The following FIZ1 variants were observed in gnomAD, a reference collection of about 807,000 sequenced individuals.
The protein encoded by FIZ1 is flt3-interacting zinc finger protein 1.
In FIZ1, 2 loss-of-function variants were observed where a neutral mutation model predicts 5.3. The ratio of observed to expected loss-of-function variants is 0.37; its 90% CI spans 0.15 to 1.18. The LOEUF (loss-of-function observed/expected upper bound fraction) is 1.18, where lower values mean the gene tolerates loss of function less well. Among genes scored for constraint, FIZ1 ranks in the 50% most tolerant of loss-of-function variants. The pLI, the probability that FIZ1 is intolerant of heterozygous loss-of-function variation, is 0.37. For missense variants in FIZ1, 631 were observed against 749.7 expected (o/e 0.84, Z 1.85); for synonymous variants, 407 against 364.2 (o/e 1.12, Z -1.34).
intron 2 of FIZ1, 75 bp downstream of exon 2, chr19:55,597,497 G>C: frequency 6.6e-7 from 1 of 1,509,834 alleles, no homozygotes; most frequent in Non-Finnish European, 8.8e-7. Context: ...CTTTTGCCCA[G>C]AGTACAGTGG....
At position 55,597,879 on chromosome 19, in the gene FIZ1, A is replaced by G. The variant is rs761546790; in HGVS notation, c.-14T>C. The G allele has an allele frequency of 6.4e-7, 1 of 1,565,942 alleles. No homozygotes were observed. The highest frequency in any genetic ancestry group is 1.2e-5 in the South Asian group (1 of 86,220). On this transcript the variant is annotated 5_prime_UTR_variant, in exon 2 of 3. Transcript: ENST00000221665. ...GACGTCATCCATGGTGGCGGGGAATACAGTGGTATGTGGGGGCTCTCTCTG... is the reference window on the plus strand; with the variant it reads ...GACGTCATCCATGGTGGCGGGGAATGCAGTGGTATGTGGGGGCTCTCTCTG...
chr19:55,592,425 G>C lies in FIZ1; in HGVS notation c.*25C>G. On this transcript the variant is annotated 3_prime_UTR_variant, in exon 3 of 3. Coordinates refer to ENST00000221665, the MANE Select transcript of FIZ1 (RefSeq NM_032836.3). The surrounding 1 kb of genome is among the most constrained non-coding windows in gnomAD (Gnocchi z 6.9). ...GGCCGAGTCCAGGAGGCTGGGTGGA[G>C]GGCAGGGCGCACGCAGCCTGGCAGT... 6.6e-7 allele frequency: 1 copy of C among 1,522,256 alleles called. No individual in the cohort carries two copies. Among genetic ancestry groups the C allele is most frequent in the East Asian group, 2.4e-5 (1 of 41,254 alleles). The allele number at this position is 1,522,256 out of a possible 1,614,324, so 94.3% of individuals were successfully genotyped here. A position where few individuals can be genotyped will look rare whatever the true frequency, so the allele number is the denominator to read the frequency against.
At chr19:55,597,503 A>G in intron 2 of FIZ1, 69 bp downstream of exon 2, 4 of 1,531,618 alleles carry the variant, frequency 2.6e-6, no homozygotes, top group Non-Finnish European at 3.5e-6. Context: ...CCCAGAGTAC[A>G]GTGGGGCGCG....
rs1040256213 is a variant in FIZ1 at position 55,593,459 on chromosome 19, G to A, written c.482C>T (p.Ser161Leu). 15 of 1,546,038 alleles carry A rather than the reference G, an allele frequency of 9.7e-6. No homozygotes were observed. The African/African-American group carries it at 1.4e-4, about 14-fold the overall frequency. The change falls in exon 3 of 3, where the codon TCG becomes TTG. Residue 161 changes from serine to leucine, a missense_variant. Physicochemically the swap from Ser to Leu is moderately radical, Grantham distance 145. Transcript: ENST00000221665. The surrounding 1 kb of genome is among the most constrained non-coding windows in gnomAD (Gnocchi z 6.3). Reference protein sequence around the residue: ...CSVCCNVGPCSVCGGSGAGGG... With the variant: ...CSVCCNVGPCLVCGGSGAGGG... ...GCCGGCCCCTGAGCCCCCGCACACCGAGCAGGGCCCCACATTGCAGCAGAC... is the reference window on the plus strand; with the variant it reads ...GCCGGCCCCTGAGCCCCCGCACACCAAGCAGGGCCCCACATTGCAGCAGAC...
Position 55,592,491 on chromosome 19 carries a change from T to A in FIZ1, c.1450A>T (p.Asn484Tyr). 6.3e-7 allele frequency: 1 copy of A among 1,593,594 alleles called. No individual in the cohort carries two copies. Among genetic ancestry groups the A allele is most frequent in the Non-Finnish European group, 8.5e-7 (1 of 1,170,536 alleles). The change falls in exon 3 of 3, where the codon AAC becomes TAC. Residue 484 changes from asparagine (N) to tyrosine (Y), a missense_variant. Asn to Tyr is a moderately radical substitution (Grantham distance 143). Coordinates refer to ENST00000221665, the MANE Select transcript of FIZ1 (RefSeq NM_032836.3). The surrounding 1 kb of genome is among the most constrained non-coding windows in gnomAD (Gnocchi z 6.9). ...ICGKGFITLSNLSRHLKLHRG... is the reference protein window; with the variant it reads ...ICGKGFITLSYLSRHLKLHRG... ...TGCAGCTTCAGGTGCCTGGAGAGGT[T>A]GCTGAGCGTGATGAAGCCCTTGCCG...
chr19:55,596,718 G>C (rs1014065262), intron 2 of FIZ1, among the ~76,000 whole-genome samples: 2 of 152,134 alleles, frequency 1.3e-5, no homozygotes, highest in Non-Finnish European at 2.9e-5. Context: ...TGTCGCCCAG[G>C]TTAGAGTGCA....
Position 55,593,344 on chromosome 19 carries a change from TG to T in FIZ1, c.596del (p.Pro199HisfsTer27). On this transcript the variant is annotated frameshift_variant, in exon 3 of 3. Transcript: ENST00000221665. LOFTEE classifies it low-confidence loss of function (END_TRUNC). The surrounding 1 kb of genome is among the most constrained non-coding windows in gnomAD (Gnocchi z 6.3). ...AAAAAAASLPPFACGACARRF... is the reference protein window; with the variant it reads ...AAAAAAASLPXFACGACARRF... ...GCCGCGCGCAGGCGCCGCACGCAAA[TG>T]GGGGCAAGGAGGCCGCGGCCGCAGC... is the stretch of plus-strand genomic sequence containing the variant. The T allele has an allele frequency of 7.6e-7, 1 of 1,322,136 alleles. No individual in the cohort carries two copies. The highest frequency in any genetic ancestry group is 1.9e-5 in the South Asian group (1 of 52,980). 81.9% of individuals were successfully genotyped at this position (1,322,136 alleles called of 1,614,324 possible).
Position 55,593,757 on chromosome 19 carries a change from G to T in FIZ1, c.295-111C>A. 1.0e-6 allele frequency: 1 copy of T among 964,602 alleles called. No individual in the cohort carries two copies. Among genetic ancestry groups the T allele is most frequent in the Non-Finnish European group, 1.6e-6 (1 of 631,118 alleles). 59.8% of individuals were successfully genotyped at this position (964,602 alleles called of 1,614,324 possible). On this transcript the variant is annotated intron_variant, in intron 2 of 2. Transcript: ENST00000221665. The surrounding 1 kb of genome is among the most constrained non-coding windows in gnomAD (Gnocchi z 6.3). ...ACAAGCTCTCTGTCACACCTACAGG[G>T]CCATGATCTAGGGAAACGCTCGTCC...
Position 55,597,441 on chromosome 19 carries a change from A to C in FIZ1, c.294+131T>G, listed in dbSNP as rs1191820593. On this transcript the variant is annotated intron_variant, in intron 2 of 2. Transcript: ENST00000221665. ...GGTGCTTTGGTAGGGAGGGAGGGAC[A>C]TTTTCTAATGGGAGGAGGCGGGCGC... The C allele has an allele frequency of 2.1e-6, 3 of 1,432,378 alleles. No individual in the cohort carries two copies. In the African/African-American group the frequency reaches 4.3e-5, roughly 21 times the overall value. 88.7% of individuals were successfully genotyped at this position (1,432,378 alleles called of 1,614,324 possible). A position where few individuals can be genotyped will look rare whatever the true frequency, so the allele number is the denominator to read the frequency against.
rs1003300949 is a variant in FIZ1 at position 55,593,437 on chromosome 19, G to C, written c.504C>G (p.Ala168=). The part of the protein sequence containing the change: ...GPCSVCGGSG[A]GGGEGPEGAG... ...CCCCCTCGGGGCCCTCTCCGCCGCC[G>C]GCCCCTGAGCCCCCGCACACCGAGC... Residue 168 remains alanine, a synonymous_variant, in exon 3 of 3, where the codon GCC becomes GCG. Coordinates refer to ENST00000221665, the MANE Select transcript of FIZ1 (RefSeq NM_032836.3). The surrounding 1 kb of genome is among the most constrained non-coding windows in gnomAD (Gnocchi z 6.3). 17 of 1,531,844 alleles carry C rather than the reference G, an allele frequency of 1.1e-5. No individual in the cohort carries two copies. Among genetic ancestry groups the C allele is most frequent in the Non-Finnish European group, 1.5e-5 (17 of 1,140,936 alleles). The allele number at this position is 1,531,844 out of a possible 1,614,324, so 94.9% of individuals were successfully genotyped here.
rs1042041542 is a variant in FIZ1, at chr19:55,593,794, G to A, written c.295-148C>T. On this transcript the variant is annotated intron_variant, in intron 2 of 2. Coordinates refer to ENST00000221665, the MANE Select transcript of FIZ1 (RefSeq NM_032836.3). The surrounding 1 kb of genome is among the most constrained non-coding windows in gnomAD (Gnocchi z 6.3). ...GGAAACGCTCGTCCTATCACTCTCT[G>A]TTTGGGGTCACGGTAGATTCTTTCG... 2 of 747,244 alleles carry A rather than the reference G, an allele frequency of 2.7e-6. No individual in the cohort carries two copies. The highest frequency in any genetic ancestry group is 1.8e-5 in the South Asian group (1 of 55,952). 46.3% of individuals were successfully genotyped at this position (747,244 alleles called of 1,614,324 possible). A position where few individuals can be genotyped will look rare whatever the true frequency, so the allele number is the denominator to read the frequency against.
rs1253459228 is a variant in FIZ1, at chr19:55,597,556, G to A, written c.294+16C>T. On this transcript the variant is annotated intron_variant, in intron 2 of 2. Transcript: ENST00000221665. ...TGACCAGGGAGGCCAGCCTAGGGCC[G>A]GCCTGTGGGACTCACCTGGTGGTGC... 2 of 1,605,244 alleles carry A rather than the reference G, an allele frequency of 1.2e-6. No individual in the cohort carries two copies. The highest frequency in any genetic ancestry group is 1.1e-5 in the South Asian group (1 of 90,750).
In FIZ1 at chr19:55,593,558, C is replaced by T. The variant is rs1980166368; in HGVS notation, c.383G>A (p.Arg128His). ...AGAGGGGAGAACCCCACGGTGCTGG[C>T]GCTTGAGGTGGCGGCCCAGGCTGGA... is the stretch of plus-strand genomic sequence containing the variant. ...SRSSLGRHLK[R>H]QHRGVLPSPL... is the part of the protein sequence containing the mutation. Residue 128 changes from arginine (R) to histidine (H), a missense_variant, in exon 3 of 3, where the codon CGC becomes CAC. This residue lies in a region of FIZ1 where 68 missense variants were observed against 163.4 expected (regional missense o/e 0.42). Transcript: ENST00000221665. The surrounding 1 kb of genome is among the most constrained non-coding windows in gnomAD (Gnocchi z 6.3). 6.4e-7 allele frequency: 1 copy of T among 1,551,106 alleles called. No homozygotes were observed. The highest frequency in any genetic ancestry group is 8.7e-7 in the Non-Finnish European group (1 of 1,146,946).
In FIZ1 at chr19:55,597,903, T is replaced by G; in HGVS notation, c.-36-2A>C. ...TACAGTGGTATGTGGGGGCTCTCTC[T>G]GGAGTAGTGGGGAGACAGAGGAGCA... On this transcript the variant is annotated splice_acceptor_variant, in intron 1 of 2. Transcript: ENST00000221665. LOFTEE classifies it low-confidence loss of function (5UTR_SPLICE). The G allele has an allele frequency of 1.3e-6, 2 of 1,529,840 alleles. No homozygotes were observed. The highest frequency in any genetic ancestry group is 1.8e-6 in the Non-Finnish European group (2 of 1,137,030). The allele number at this position is 1,529,840 out of a possible 1,614,324, so 94.8% of individuals were successfully genotyped here. A position where few individuals can be genotyped will look rare whatever the true frequency, so the allele number is the denominator to read the frequency against.
chr19:55,596,187 C>T (rs770656694), intron 2 of FIZ1, among the ~76,000 whole-genome samples: 20 of 152,060 alleles, frequency 1.3e-4, no homozygotes, highest in Admixed American at 1.2e-3. Flanking sequence ...GGGATTTAAG[C>T]AGGGGTCACC....
At position 55,593,106 on chromosome 19, in the gene FIZ1, C is replaced by T. The variant is rs1420668044; in HGVS notation, c.835G>A (p.Ala279Thr). ...AGPETAGEGTAAEAGDAPLAS... is the reference protein window; with the variant it reads ...AGPETAGEGTTAEAGDAPLAS... Reference sequence around the variant, plus strand: ...AGAGGAGCGTCGCCCGCCTCCGCAGCGGTGCCTTCGCCCGCCGTCTCGGGC... The same window carrying T: ...AGAGGAGCGTCGCCCGCCTCCGCAGTGGTGCCTTCGCCCGCCGTCTCGGGC... The change falls in exon 3 of 3, where the codon GCT becomes ACT. Residue 279 changes from alanine (A) to threonine (T), a missense_variant. Transcript: ENST00000221665. This position sits in a 1 kb window ranked among gnomAD's most constrained non-coding sequence, Gnocchi z 6.3. 2 of 1,299,398 alleles carry T rather than the reference C, an allele frequency of 1.5e-6. No homozygotes were observed. Among genetic ancestry groups the T allele is most frequent in the South Asian group, 1.8e-5 (1 of 55,384 alleles). 80.5% of individuals were successfully genotyped at this position (1,299,398 alleles called of 1,614,324 possible).
At chr19:55,598,244 C>G (rs1425415160) in intron 1 of FIZ1, 5 of 247,866 alleles carry the variant, frequency 2.0e-5, no homozygotes, top group Non-Finnish European at 3.2e-5. Context: ...CCCACCTACT[C>G]CCTTCAAAGT....
In FIZ1 at chr19:55,593,085, G is replaced by C. The variant is rs1032867617; in HGVS notation, c.856C>G (p.Pro286Ala). 1 of 1,340,266 alleles carries C rather than the reference G, an allele frequency of 7.5e-7. No individual in the cohort carries two copies. The highest frequency in any genetic ancestry group is 1.7e-5 in the South Asian group (1 of 59,892). 83.0% of individuals were successfully genotyped at this position (1,340,266 alleles called of 1,614,324 possible). A position where few individuals can be genotyped will look rare whatever the true frequency, so the allele number is the denominator to read the frequency against. Residue 286 changes from proline to alanine, a missense_variant, in exon 3 of 3, where the codon CCT becomes GCT. Physicochemically the swap from Pro to Ala is conservative, Grantham distance 27. This residue lies in a region of FIZ1 where 463 missense variants were observed against 455.1 expected (regional missense o/e 1.02). Transcript: ENST00000221665. This position sits in a 1 kb window ranked among gnomAD's most constrained non-coding sequence, Gnocchi z 6.3. ...EGTAAEAGDAPLASDRRLLLG... is the reference protein window; with the variant it reads ...EGTAAEAGDAALASDRRLLLG... ...AGCAGCCTGCGGTCCGAAGCCAGAGGAGCGTCGCCCGCCTCCGCAGCGGTG... is the reference window on the plus strand; with the variant it reads ...AGCAGCCTGCGGTCCGAAGCCAGAGCAGCGTCGCCCGCCTCCGCAGCGGTG...
In FIZ1 at chr19:55,592,740, C is replaced by G. The variant is rs1422096603; in HGVS notation, c.1201G>C (p.Gly401Arg). ...CGGCCGGAGCCAGACGGGGGTTCCC[C>G]GGACGCCGGTTCCCTTTCCCGGGCG... Reference protein sequence around the residue: ...TAAREREPASGEPPSGSGRGK... With the variant: ...TAAREREPASREPPSGSGRGK... The change falls in exon 3 of 3, where the codon GGG becomes CGG. Residue 401 changes from glycine to arginine, a missense_variant. Around this residue, in one of 4 missense-constraint regions of FIZ1, gnomAD observed 463 missense variants for 455.1 expected, o/e 1.02. Transcript: ENST00000221665. This position sits in a 1 kb window ranked among gnomAD's most constrained non-coding sequence, Gnocchi z 6.9. 7 of 1,610,648 alleles carry G rather than the reference C, an allele frequency of 4.3e-6. No individual in the cohort carries two copies. The highest frequency in any genetic ancestry group is 5.1e-6 in the Non-Finnish European group (6 of 1,179,230).
Sources: gnomAD v4.1 joint callset for allele counts (sites outside exome capture counted in the v4.1 genomes callset) on GRCh38, gnomAD v4.1.1 for gene constraint, gnomAD v4.1.1 regional missense constraint, Gnocchi (gnomAD v3.1) non-coding constraint, MANE v1.5 for transcripts, NCBI Gene and HGNC (gene_info 2026-07-23, HGNC 2026-07-21) for gene names.